The following ZNF730 variants were observed in gnomAD, a reference collection of about 807,000 sequenced individuals.
ZNF730 encodes putative zinc finger protein 730.
In ZNF730, 12 loss-of-function variants were observed where a neutral mutation model predicts 12.6. The observed-to-expected ratio is 0.95, with a 90% CI of 0.61 to 1.54. ZNF730 has a LOEUF of 1.54. Among genes scored for constraint, ZNF730 ranks in the 40% most tolerant of loss-of-function variants. The pLI, the probability that ZNF730 is intolerant of heterozygous loss-of-function variation, is 0.00. For missense variants in ZNF730, 643 were observed against 583.5 expected (o/e 1.10, Z -1.05); for synonymous variants, 194 against 195.8 (o/e 0.99, Z 0.08).
At chr19:23,106,180 TAGAA>T (rs1489878268) in intron 1 of ZNF730, among the ~76,000 whole-genome samples, 1 of 145,926 alleles carries the variant, frequency 6.9e-6, no homozygotes, top group Non-Finnish European at 1.5e-5. Context: ...GATGGAGAAA[TAGAA>T]GGAGGAGGAG....
At chr19:23,094,809 G>A (rs1970222789) in intron 1 of ZNF730, among the ~76,000 whole-genome samples, 1 of 151,970 alleles carries the variant, frequency 6.6e-6, no homozygotes, top group Non-Finnish European at 1.5e-5. Flanking sequence ...GTCTCACTAT[G>A]TTGTCCAGGC....
intron 1 of ZNF730, among the ~76,000 whole-genome samples, chr19:23,102,164 A>G (rs1032125094): frequency 2.6e-5 from 4 of 152,100 alleles, no homozygotes; most frequent in African/African-American, 9.7e-5. Flanking sequence ...GTGACTTATC[A>G]CTAGGCCCAG....
At chr19:23,127,934 A>G (rs149093695) in intron 1 of ZNF730, 9 of 689,782 alleles carry the variant, frequency 1.3e-5, no homozygotes, top group South Asian at 6.3e-5. Context: ...GGCCTAACCA[A>G]TTACACTGCA....
upstream of ZNF730, among the ~76,000 whole-genome samples, chr19:23,116,573 C>CG (rs1970527542): frequency 1.2e-5 from 1 of 86,932 alleles, no homozygotes; most frequent in East Asian, 3.8e-4. Flanking sequence ...CTCCCAGCTA[C>CG]TTTTTTTTTT....
At chr19:23,084,928 G>A (rs1013132034) in intron 1 of ZNF730, among the ~76,000 whole-genome samples, 6 of 152,098 alleles carry the variant, frequency 3.9e-5, no homozygotes, top group African/African-American at 1.2e-4. Context: ...GAACATACAC[G>A]TGAATGTGTG....
chr19:23,116,905 G>A, upstream of ZNF730: 4 of 637,582 alleles, frequency 6.3e-6, no homozygotes, highest in South Asian at 3.9e-5. Context: ...GATCACATCT[G>A]TCACTCAGGG....
At chr19:23,107,025 A>T (rs921764110) in intron 1 of ZNF730, among the ~76,000 whole-genome samples, 1 of 151,296 alleles carries the variant, frequency 6.6e-6, no homozygotes, top group Admixed American at 6.6e-5. Flanking sequence ...CAAAGGGAGA[A>T]TTTTAGAATA....
At chr19:23,144,697 T>A (rs1361319313) in intron 3 of ZNF730, among the ~76,000 whole-genome samples, 1 of 6,770 alleles carries the variant, frequency 1.5e-4, no homozygotes, top group African/African-American at 1.9e-4. Flanking sequence ...AAGACTCTTG[T>A]CTCAAAAAAA....
intron 1 of ZNF730, among the ~76,000 whole-genome samples, chr19:23,097,828 C>T (rs778691746): frequency 3.9e-5 from 6 of 152,078 alleles, no homozygotes; most frequent in South Asian, 2.1e-4. Flanking sequence ...TCTTCTCCAC[C>T]GCTTGGACTC....
At position 23,134,017 on chromosome 19, in the gene ZNF730, G is replaced by C. The variant is rs1056526963; in HGVS notation, c.4-63G>C. ...TATATTTACTCTTATTTCACCTTGAGTGAAACTTAAAATTCTGCCCAGGGG... is the reference window on the plus strand; with the variant it reads ...TATATTTACTCTTATTTCACCTTGACTGAAACTTAAAATTCTGCCCAGGGG... On this transcript the variant is annotated intron_variant, in intron 1 of 3. Transcript: ENST00000597761. 7 of 1,597,094 alleles carry C rather than the reference G, an allele frequency of 4.4e-6. No homozygotes were observed. In the African/African-American group the frequency reaches 9.5e-5, roughly 22 times the overall value.
chr19:23,089,173 T>TCC (rs1568301738), intron 1 of ZNF730, among the ~76,000 whole-genome samples: 1 of 151,924 alleles, frequency 6.6e-6, no homozygotes, highest in Non-Finnish European at 1.5e-5. Flanking sequence ...GCCTGGCTGA[T>TCC]TATGTGGTTT....
intron 1 of ZNF730, among the ~76,000 whole-genome samples, chr19:23,094,133 C>A (rs1165607347): frequency 2.0e-5 from 3 of 152,022 alleles, no homozygotes; most frequent in South Asian, 2.1e-4. Flanking sequence ...CTCTGGGGAT[C>A]TTTCTGTTTT....
rs144895856 is a variant in ZNF730 at position 23,099,063 on chromosome 19, C to G, written c.-94+23676C>G. On this transcript the variant is annotated intron_variant, in intron 1 of 2. Coordinates refer to the ZNF730 transcript ENST00000593635. The stretch of plus-strand genomic sequence containing the variant: ...ATCATGTTTCTTGTAAGCACACTGT[C>G]AATTTTTAGAATTACCACTATCACA... 5.3e-4 allele frequency among the ~76,000 whole-genome samples: 80 copies of G among 152,104 alleles called. 1 individual carries two copies. In the East Asian group the frequency reaches 0.013, roughly 24 times the overall value.
At position 23,081,330 on chromosome 19, in the gene ZNF730, C is replaced by CT. The variant is rs199887799; in HGVS notation, c.-94+5950dup. Reference sequence around the variant, plus strand: ...CAGCTAATTTTTGTTTTTTGTTTTTCTTTTTTTGAGATGTAGTCTCTCTCA... The same window carrying CT: ...CAGCTAATTTTTGTTTTTTGTTTTTCTTTTTTTTGAGATGTAGTCTCTCTCA... On this transcript the variant is annotated intron_variant, in intron 1 of 2. Transcript: ENST00000593635. 7.4e-3 allele frequency among the ~76,000 whole-genome samples: 1,114 copies of CT among 150,362 alleles called. 7 individuals are homozygous for CT. Among genetic ancestry groups the CT allele is most frequent in the African/African-American group, 0.025 (1,011 of 40,980 alleles).
chr19:23,118,744 C>G (rs935522340), intron 1 of ZNF730, among the ~76,000 whole-genome samples: 1 of 152,126 alleles, frequency 6.6e-6, no homozygotes, highest in Non-Finnish European at 1.5e-5. Context: ...TGATTTCTGC[C>G]CCTCGGATTC....
chr19:23,097,227 C>T (rs1051019152), intron 1 of ZNF730, among the ~76,000 whole-genome samples: 1 of 152,066 alleles, frequency 6.6e-6, no homozygotes, highest in African/African-American at 2.4e-5. Context: ...TACTGTTTGC[C>T]CTCAGAAGGC....
chr19:23,089,094 A>T (rs1463104642), intron 1 of ZNF730, among the ~76,000 whole-genome samples: 1 of 151,536 alleles, frequency 6.6e-6, no homozygotes, highest in African/African-American at 2.4e-5. Context: ...CTGGTCTCGA[A>T]CTCTCGACCT....
intron 1 of ZNF730, among the ~76,000 whole-genome samples, chr19:23,094,665 G>A (rs914606482): frequency 1.3e-5 from 2 of 151,678 alleles, no homozygotes; most frequent in African/African-American, 2.4e-5. Flanking sequence ...GTAGAAATGG[G>A]GTTTCAACAT....
chr19:23,077,662 G>A (rs958900677), intron 1 of ZNF730, among the ~76,000 whole-genome samples: 18 of 151,702 alleles, frequency 1.2e-4, no homozygotes, highest in African/African-American at 4.4e-4. Flanking sequence ...GGCTGGTCTT[G>A]AACTCCTGAT....
Sources: allele counts gnomAD v4.1 joint callset (sites outside exome capture counted in the v4.1 genomes callset), GRCh38; gene constraint gnomAD v4.1.1; transcripts MANE v1.5; gene names NCBI Gene and HGNC (gene_info 2026-07-23, HGNC 2026-07-21).